DLGAP1: variants seen among roughly 807,000 people sequenced by gnomAD.
DLGAP1 encodes DLG associated protein 1, also known as disks large-associated protein 1.
DLGAP1 carries 11 observed loss-of-function variants against 90.8 expected under a neutral mutation model. That is an observed-to-expected ratio of 0.12 (90% CI 0.08 to 0.20). The LOEUF is 0.20. Ranked by LOEUF, DLGAP1 falls within the 10% of genes least tolerant of loss-of-function variation. The pLI is 1.00. For synonymous variants in DLGAP1, 558 were observed against 540.7 expected (o/e 1.03, Z -0.44); for missense variants, 1,050 against 1,333.8 (o/e 0.79, Z 3.31).
At chr18:3,786,591 C>A (rs2065462135) in intron 5 of DLGAP1, among the ~76,000 whole-genome samples, 1 of 152,138 alleles carries the variant, frequency 6.6e-6, no homozygotes, top group South Asian at 2.1e-4. Context: ...CTTCAGCAGT[C>A]CTTGGTTCTG....
At chr18:3,670,982 A>G (rs1402599619) in intron 7 of DLGAP1, among the ~76,000 whole-genome samples, 2 of 152,212 alleles carry the variant, frequency 1.3e-5, no homozygotes, top group African/African-American at 4.8e-5. Context: ...AAAACTGTCA[A>G]AATCCTTAAT....
intron 1 of DLGAP1, among the ~76,000 whole-genome samples, chr18:4,245,756 C>G (rs2078640872): frequency 6.6e-6 from 1 of 151,272 alleles, no homozygotes; most frequent in Non-Finnish European, 1.5e-5. Context: ...TCTGCTATTT[C>G]TAGAGAGGCT....
chr18:3,556,268 T>G (rs1299744420), intron 9 of DLGAP1, among the ~76,000 whole-genome samples: 1 of 150,508 alleles, frequency 6.6e-6, no homozygotes, highest in Non-Finnish European at 1.5e-5. Flanking sequence ...GTGGCACTTT[T>G]GGTGCAGTTC....
chr18:3,956,998 T>C (rs1764308079), intron 3 of DLGAP1, among the ~76,000 whole-genome samples: 1 of 152,152 alleles, frequency 6.6e-6, no homozygotes, highest in Non-Finnish European at 1.5e-5. Flanking sequence ...GAAACTGCAA[T>C]AGACAAAATA....
At chr18:3,777,275 C>T (rs891565026) in intron 5 of DLGAP1, among the ~76,000 whole-genome samples, 2 of 151,944 alleles carry the variant, frequency 1.3e-5, no homozygotes, top group Non-Finnish European at 2.9e-5. Context: ...GATGAATATT[C>T]GGAAGGAAAT....
intron 4 of DLGAP1, among the ~76,000 whole-genome samples, chr18:3,863,073 G>C (rs2070181100): frequency 6.6e-6 from 1 of 152,268 alleles, no homozygotes; most frequent in Non-Finnish European, 1.5e-5. Flanking sequence ...TGACGGAAAT[G>C]TTGATTGAGG....
chr18:3,982,272 G>A (rs145534519), intron 3 of DLGAP1, among the ~76,000 whole-genome samples: 243 of 152,178 alleles, frequency 1.6e-3, no homozygotes, highest in African/African-American at 5.6e-3. Context: ...TCATTAAAAT[G>A]TTTATCTCTA....
chr18:3,680,206 T>C (rs2060462087), intron 7 of DLGAP1: 1 of 152,300 alleles, frequency 6.6e-6, no homozygotes, highest in Non-Finnish European at 1.5e-5. Flanking sequence ...TCTGTTATGG[T>C]TGGGACCTCA....
At chr18:3,778,426 A>T (rs1482816969) in intron 5 of DLGAP1, among the ~76,000 whole-genome samples, 1 of 151,988 alleles carries the variant, frequency 6.6e-6, no homozygotes, top group Admixed American at 6.6e-5. Flanking sequence ...GGGCGACAAG[A>T]GCAAGACTCC....
At chr18:3,994,111 A>G (rs1012651721) in intron 3 of DLGAP1, among the ~76,000 whole-genome samples, 2 of 151,982 alleles carry the variant, frequency 1.3e-5, no homozygotes, top group African/African-American at 4.8e-5. Context: ...TCCCTTTCCT[A>G]GGCCACCTTC....
chr18:3,524,926 C>G (rs1332562469), intron 10 of DLGAP1, among the ~76,000 whole-genome samples: 1 of 152,196 alleles, frequency 6.6e-6, no homozygotes, highest in Non-Finnish European at 1.5e-5. Flanking sequence ...AAACGTGGAT[C>G]TGTTTCATTC....
chr18:3,795,107 C>T (rs74848981), intron 5 of DLGAP1, among the ~76,000 whole-genome samples: 3,204 of 152,124 alleles, frequency 0.021, 66 homozygotes, highest in South Asian at 0.043. Context: ...TGTAAGACTC[C>T]GTGGACATAT....
intron 1 of DLGAP1, among the ~76,000 whole-genome samples, chr18:4,434,046 C>G (rs1323603337): frequency 6.6e-6 from 1 of 152,048 alleles, no homozygotes; most frequent in African/African-American, 2.4e-5. Flanking sequence ...CAGCTTGAAC[C>G]TGGGTATAAA....
At chr18:4,181,471 G>A (rs2077206617) in intron 1 of DLGAP1, among the ~76,000 whole-genome samples, 1 of 152,132 alleles carries the variant, frequency 6.6e-6, no homozygotes, top group African/African-American at 2.4e-5. Flanking sequence ...AGGAGAAAAT[G>A]CAGCAGGAGC....
chr18:4,410,910 A>G (rs1393888656), intron 1 of DLGAP1, among the ~76,000 whole-genome samples: 1 of 152,172 alleles, frequency 6.6e-6, no homozygotes, highest in African/African-American at 2.4e-5. Flanking sequence ...TCCCAGCTCC[A>G]GGAGTTTTGC....
At chr18:3,970,047 T>C (rs1367679089) in intron 3 of DLGAP1, among the ~76,000 whole-genome samples, 2 of 152,198 alleles carry the variant, frequency 1.3e-5, no homozygotes, top group Non-Finnish European at 2.9e-5. Context: ...GTTTGATTAA[T>C]GTTTGTCTTT....
chr18:3,518,889 C>T (rs2051002307), intron 10 of DLGAP1, among the ~76,000 whole-genome samples: 1 of 152,214 alleles, frequency 6.6e-6, no homozygotes, highest in African/African-American at 2.4e-5. Context: ...AACCTCCCTC[C>T]CCAGTAGTGT....
In DLGAP1 at chr18:3,700,770, C is replaced by T. The variant is rs774210854; in HGVS notation, c.1591+28365G>A. Reference sequence around the variant, plus strand: ...GACTACAGGCGCCCACCACCACGCCCGGCTAATTTTTTGTACTTTTGGTAA... The same window carrying T: ...GACTACAGGCGCCCACCACCACGCCTGGCTAATTTTTTGTACTTTTGGTAA... On this transcript the variant is annotated intron_variant, in intron 7 of 12. Transcript: ENST00000315677. Among the ~76,000 whole-genome samples the T allele has an allele frequency of 1.3e-4, 20 of 152,090 alleles. 1 individual carries two copies. The highest frequency in any genetic ancestry group is 2.1e-4 in the Non-Finnish European group (14 of 68,008).
At chr18:3,666,659 T>C (rs2059895350) in intron 7 of DLGAP1, among the ~76,000 whole-genome samples, 1 of 152,248 alleles carries the variant, frequency 6.6e-6, no homozygotes, top group Non-Finnish European at 1.5e-5. Flanking sequence ...ACTCCTTCCT[T>C]TTCCATCCTT....
Sources: allele counts gnomAD v4.1 joint callset (sites outside exome capture counted in the v4.1 genomes callset), GRCh38; gene constraint gnomAD v4.1.1; transcripts MANE v1.5; gene names NCBI Gene and HGNC (gene_info 2026-07-23, HGNC 2026-07-21).